The following GPHN variants were observed in gnomAD, a reference collection of about 807,000 sequenced individuals.
The protein encoded by GPHN is gephyrin.
A neutral mutation model predicts 95.5 loss-of-function variants in GPHN; 17 were observed. The observed-to-expected ratio is 0.18, with a 90% CI of 0.12 to 0.27. The LOEUF (loss-of-function observed/expected upper bound fraction) is 0.27, where lower values mean the gene tolerates loss of function less well. GPHN is among the 10% of genes least tolerant of loss of function. The pLI, the probability that GPHN is intolerant of heterozygous loss-of-function variation, is 1.00. For missense variants in GPHN, 660 were observed against 978.1 expected (o/e 0.67, Z 4.34); for synonymous variants, 320 against 322.5 (o/e 0.99, Z 0.08).
rs1020068956 is a variant in GPHN, at chr14:67,035,412, A to G, written c.1006+11737A>G. Among the ~76,000 whole-genome samples, 4 of 151,898 alleles carry G rather than the reference A, an allele frequency of 2.6e-5. No individual in the cohort carries two copies. The East Asian group carries it at 5.8e-4, about 22-fold the overall frequency. The stretch of plus-strand genomic sequence containing the variant: ...AGATCAGAGCAGAAATAAACAAAAT[A>G]GAGAATAAAAATACTAGGAAAAAAA... On this transcript the variant is annotated intron_variant, in intron 10 of 22. Coordinates refer to ENST00000478722, the MANE Select transcript of GPHN (RefSeq NM_020806.5).
At chr14:67,443,438 A>G in the GPHN span, among the ~76,000 whole-genome samples, 2 of 152,146 alleles carry the variant, frequency 1.3e-5, no homozygotes, top group African/African-American at 4.8e-5. Flanking sequence ...AAAGAAAGGA[A>G]AGAAGGCATT....
intron 1 of GPHN, among the ~76,000 whole-genome samples, chr14:66,660,498 G>A (rs1197078021): frequency 6.6e-6 from 1 of 151,470 alleles, no homozygotes; most frequent in Non-Finnish European, 1.5e-5. Flanking sequence ...TTGGTATGCT[G>A]GTAAAAAGTT....
chr14:66,558,854 A>G (rs1459415592), intron 1 of GPHN, among the ~76,000 whole-genome samples: 1 of 151,920 alleles, frequency 6.6e-6, no homozygotes, highest in Non-Finnish European at 1.5e-5. Context: ...GTCATTTAGC[A>G]TTAGGTGTAT....
chr14:67,222,547 A>G, the GPHN span, among the ~76,000 whole-genome samples: 2 of 152,184 alleles, frequency 1.3e-5, no homozygotes, highest in African/African-American at 4.8e-5. Context: ...AAGTGCTGGG[A>G]TTATAGGAGT....
chr14:66,673,193 A>G (rs569409837), intron 1 of GPHN, among the ~76,000 whole-genome samples: 4 of 152,162 alleles, frequency 2.6e-5, no homozygotes, highest in African/African-American at 9.6e-5. Context: ...CCTGGGTTCA[A>G]GCGATTCTCC....
rs1425098148 is a variant in GPHN, at chr14:66,982,046, C to T, written c.963+16721C>T. ...TATACCCAGTGATATGTGAGTGTAC[C>T]TTAATGCAGTTATCATAAGCCTGAA... On this transcript the variant is annotated intron_variant, in intron 9 of 22. Transcript: ENST00000478722. 2.6e-5 allele frequency among the ~76,000 whole-genome samples: 4 copies of T among 152,102 alleles called. No individual in the cohort carries two copies. The East Asian group carries it at 7.7e-4, about 29-fold the overall frequency.
At chr14:67,645,311 GCTTAA>G in the GPHN span, among the ~76,000 whole-genome samples, 11 of 151,960 alleles carry the variant, frequency 7.2e-5, no homozygotes, top group Admixed American at 4.6e-4. Flanking sequence ...ATCTTGTCTG[GCTTAA>G]CTTGATTTCA....
the GPHN span, chr14:67,592,622 A>G: frequency 0.012 from 17,709 of 1,522,276 alleles, 830 homozygotes; most frequent in East Asian, 0.12. Flanking sequence ...TGGTAAAAGT[A>G]TTCTATGCTC....
chr14:66,569,616 TCATGCCATTG>T lies in GPHN; in HGVS notation c.64+61028_64+61037del, dbSNP rs2060597713. 2.6e-5 allele frequency among the ~76,000 whole-genome samples: 4 copies of T among 151,624 alleles called. No homozygotes were observed. The South Asian group carries it at 8.3e-4, about 32-fold the overall frequency. ...AGGCGGAGGTTGCAGTGAGCCAAGA[TCATGCCATTG>T]CACACCAGCCTAGGTGACAGAGCAA... On this transcript the variant is annotated intron_variant, in intron 1 of 22. Coordinates refer to ENST00000478722, the MANE Select transcript of GPHN (RefSeq NM_020806.5).
rs551610663 is a variant in GPHN, at chr14:66,782,624, C to T, written c.201+6103C>T. Among the ~76,000 whole-genome samples, 9 of 152,244 alleles carry T rather than the reference C, an allele frequency of 5.9e-5. No individual in the cohort carries two copies. In the South Asian group the frequency reaches 1.9e-3, roughly 32 times the overall value. On this transcript the variant is annotated intron_variant, in intron 3 of 22. Transcript: ENST00000478722. ...CACGAGGTCAGGAGATTGAGACCAT[C>T]CTGGCTAATACGGTGGAACCCTGTC...
At chr14:67,363,187 A>G in the GPHN span, among the ~76,000 whole-genome samples, 2 of 151,856 alleles carry the variant, frequency 1.3e-5, no homozygotes, top group East Asian at 3.9e-4. Context: ...ACATACACAT[A>G]TTCAACAACA....
rs189223957 is a variant in GPHN, at chr14:66,807,648, A to G, written c.202-16826A>G. On this transcript the variant is annotated intron_variant, in intron 3 of 22. Coordinates refer to ENST00000478722, the MANE Select transcript of GPHN (RefSeq NM_020806.5). ...CAGTTACTATACCTTCCCTTCTCCC[A>G]AAGGTAATCACTATCCTGATTTCTA... Among the ~76,000 whole-genome samples, 154 of 152,330 alleles carry G rather than the reference A, an allele frequency of 1.0e-3. 2 individuals are homozygous for G. The highest frequency in any genetic ancestry group is 3.4e-3 in the Middle Eastern group (1 of 294).
chr14:67,105,939 T>C (rs533568943), intron 13 of GPHN, among the ~76,000 whole-genome samples: 1 of 152,248 alleles, frequency 6.6e-6, no homozygotes, highest in East Asian at 1.9e-4. Context: ...GTTTTCTACA[T>C]TGATACTGTT....
the GPHN span, among the ~76,000 whole-genome samples, chr14:67,191,234 A>G: frequency 6.9e-6 from 1 of 145,894 alleles, no homozygotes; most frequent in East Asian, 2.0e-4. Flanking sequence ...ACTCCGTCTC[A>G]AAAAAAAACA....
At chr14:66,555,587 A>G (rs533574673) in intron 1 of GPHN, among the ~76,000 whole-genome samples, 18 of 152,178 alleles carry the variant, frequency 1.2e-4, no homozygotes, top group Non-Finnish European at 2.6e-4. Context: ...GGTACTACCA[A>G]ATACATTATC....
At chr14:67,456,959 C>T in the GPHN span, among the ~76,000 whole-genome samples, 2,931 of 152,244 alleles carry the variant, frequency 0.019, 31 homozygotes, top group Middle Eastern at 0.048. Context: ...TGAAAAAGAA[C>T]GAGATCACGT....
intron 6 of GPHN, among the ~76,000 whole-genome samples, chr14:66,919,509 A>G (rs1255463905): frequency 2.0e-5 from 3 of 152,134 alleles, no homozygotes; most frequent in African/African-American, 4.8e-5. Context: ...GATTAGGAAA[A>G]TAACAGACAG....
intron 1 of GPHN, among the ~76,000 whole-genome samples, chr14:66,669,358 C>A (rs534707387): frequency 2.0e-4 from 26 of 128,962 alleles, no homozygotes; most frequent in Admixed American, 3.9e-4. Context: ...GAGTGAAACT[C>A]TGTCTCAAAA....
chr14:67,144,242 AAAAAAAAAATATATATATATAT>A (rs1325376576), intron 18 of GPHN, among the ~76,000 whole-genome samples: 1 of 68,078 alleles, frequency 1.5e-5, no homozygotes, highest in African/African-American at 7.9e-5. Context: ...GTCTTAAAAA[AAAAAAAAAATATATATATATAT>A]ATATATATAT....
Sources: allele counts gnomAD v4.1 joint callset (sites outside exome capture counted in the v4.1 genomes callset), GRCh38; gene constraint gnomAD v4.1.1; transcripts MANE v1.5; gene names NCBI Gene and HGNC (gene_info 2026-07-23, HGNC 2026-07-21).